Variants in STARD8 observed in about 807,000 individuals in gnomAD.
STARD8 encodes the protein StAR related lipid transfer domain containing 8, also known as stAR-related lipid transfer protein 8.
Under a neutral mutation model 69.4 loss-of-function variants are expected in STARD8, and 25 were observed. That is an observed-to-expected ratio of 0.36 (90% CI 0.26 to 0.50). The LOEUF (loss-of-function observed/expected upper bound fraction) is 0.50, where lower values mean the gene tolerates loss of function less well. Ranked by LOEUF, STARD8 falls within the 20% of genes least tolerant of loss-of-function variation. STARD8 has a pLI of 0.96. For missense variants in STARD8, 921 were observed against 932.5 expected, an observed-to-expected ratio of 0.99 and a Z score of 0.16; for synonymous variants, 389 against 374.6, an observed-to-expected ratio of 1.04 and a Z score of -0.45.
intron 1 of STARD8, among the ~76,000 whole-genome samples, chrX:68,658,825 G>A (rs1193554952): frequency 8.9e-6 from 1 of 112,756 alleles, no homozygotes; most frequent in Non-Finnish European, 1.9e-5. Flanking sequence ...CCCTTGAGCT[G>A]TTGCTGCTGC....
intron 2 of STARD8, among the ~76,000 whole-genome samples, chrX:68,688,297 CAG>C (rs1407603541): frequency 2.7e-5 from 3 of 111,356 alleles, no homozygotes; most frequent in African/African-American, 6.6e-5. Context: ...GGTCAGGAGA[CAG>C]GGGGGTGGTT....
chrX:68,720,147 A>G (rs2080134001), intron 7 of STARD8, 117 bp from the exon 8 acceptor site: 2 of 852,671 alleles, frequency 2.3e-6, no homozygotes, highest in African/African-American at 4.3e-5. Context: ...ATGAGTGTTG[A>G]CTCTGGGGCA....
chrX:68,668,298 T>C (rs1013883033), intron 2 of STARD8, among the ~76,000 whole-genome samples: 1 of 98,194 alleles, frequency 1.0e-5, no homozygotes, highest in African/African-American at 4.2e-5. Context: ...CTTTCTTTCT[T>C]TCTTCTTTTT....
At chrX:68,714,978 A>T (rs1464890674) in intron 3 of STARD8, among the ~76,000 whole-genome samples, 1 of 111,580 alleles carries the variant, frequency 9.0e-6, no homozygotes, top group Non-Finnish European at 1.9e-5. Context: ...TGAGCAGCCC[A>T]GGATTCAAAG....
intron 2 of STARD8, among the ~76,000 whole-genome samples, chrX:68,672,647 A>G (rs764423137): frequency 6.3e-5 from 7 of 110,609 alleles, no homozygotes; most frequent in Non-Finnish European, 1.3e-4. Flanking sequence ...TTCCCTCACC[A>G]CAGCCTGAAA....
chrX:68,685,163 A>G (rs1384113345), intron 2 of STARD8, among the ~76,000 whole-genome samples: 1 of 111,648 alleles, frequency 9.0e-6, no homozygotes, highest in Non-Finnish European at 1.9e-5. Context: ...AGTAGGGGGG[A>G]GGGGCTGTGA....
Position 68,657,172 on chromosome X carries a change from A to C in STARD8, c.46-8327A>C, listed in dbSNP as rs189785863. 4.5e-5 allele frequency among the ~76,000 whole-genome samples: 5 copies of C among 111,792 alleles called. No individual in the cohort carries two copies. In the Admixed American group the frequency reaches 4.7e-4, roughly 11 times the overall value. ...ATAGTAAGCATTGCTCATCTTTATT[A>C]TTTGTACACTGGGGAGAATGATAAC... On this transcript the variant is annotated intron_variant, in intron 1 of 14. Coordinates refer to ENST00000374599, the MANE Select transcript of STARD8 (RefSeq NM_001142503.3).
At chrX:68,687,577 G>A (rs1253437225) in intron 2 of STARD8, among the ~76,000 whole-genome samples, 2 of 111,853 alleles carry the variant, frequency 1.8e-5, no homozygotes, top group Non-Finnish European at 3.8e-5. Context: ...AATTGAACAC[G>A]CTGAAACACA....
intron 2 of STARD8, among the ~76,000 whole-genome samples, chrX:68,711,263 C>CGA (rs1342461488): frequency 4.7e-5 from 5 of 106,884 alleles, no homozygotes; most frequent in Non-Finnish European, 7.7e-5. Flanking sequence ...GAGAAAGAGA[C>CGA]GAGAGAGAGA....
At chrX:68,690,999 C>G (rs191954628) in intron 2 of STARD8, among the ~76,000 whole-genome samples, 34 of 111,672 alleles carry the variant, frequency 3.0e-4, no homozygotes, top group Non-Finnish European at 3.0e-4. Context: ...GTAGCAGAGG[C>G]CATTTGTACC....
intron 2 of STARD8, among the ~76,000 whole-genome samples, chrX:68,676,598 G>C (rs1054136795): frequency 1.8e-5 from 2 of 111,478 alleles, no homozygotes; most frequent in East Asian, 5.6e-4. Flanking sequence ...CTCAAATACT[G>C]TTCCCTCCCA....
intron 2 of STARD8, among the ~76,000 whole-genome samples, chrX:68,677,687 A>G (rs1265319526): frequency 9.0e-6 from 1 of 111,391 alleles, no homozygotes; most frequent in East Asian, 2.8e-4. Context: ...CTCCTCCACC[A>G]AGTGGGCACT....
At chrX:68,648,030 G>A in intron 1 of STARD8, 103 bp downstream of exon 1, 1 of 971,376 alleles carries the variant, frequency 1.0e-6, no homozygotes, top group Non-Finnish European at 1.4e-6. Context: ...ACGGGCTTCT[G>A]AGACTACCTG....
intron 1 of STARD8, among the ~76,000 whole-genome samples, chrX:68,664,189 A>G (rs897331409): frequency 1.8e-5 from 2 of 111,174 alleles, no homozygotes; most frequent in African/African-American, 6.6e-5. Flanking sequence ...AGACCCTTCT[A>G]CCTCTAAGAG....
rs779349904 is a variant in STARD8 at position 68,659,378 on chromosome X, A to G, written c.46-6121A>G. Among the ~76,000 whole-genome samples the G allele has an allele frequency of 2.3e-3, 258 of 111,897 alleles. 2 individuals are homozygous for G. Among genetic ancestry groups the G allele is most frequent in the African/African-American group, 8.3e-3 (254 of 30,787 alleles). On this transcript the variant is annotated intron_variant, in intron 1 of 14. Transcript: ENST00000374599. ...AATTGGGGACATCCTGTGGAAGTGA[A>G]AGGACAGTAGAAAACACAGATGCGA...
At chrX:68,711,117 G>A (rs924221271) in intron 2 of STARD8, among the ~76,000 whole-genome samples, 2 of 111,478 alleles carry the variant, frequency 1.8e-5, no homozygotes, top group African/African-American at 6.6e-5. Context: ...CTGCTAGCAG[G>A]GCTCTGTCAG....
chrX:68,672,314 G>A (rs112134012), intron 2 of STARD8, among the ~76,000 whole-genome samples: 2,609 of 111,772 alleles, frequency 0.023, 85 homozygotes, highest in African/African-American at 0.08. Context: ...ACAGTCCAAT[G>A]TTCTCGTTGC....
intron 1 of STARD8, among the ~76,000 whole-genome samples, chrX:68,661,441 C>G (rs947731377): frequency 2.7e-5 from 3 of 111,981 alleles, no homozygotes; most frequent in African/African-American, 9.8e-5. Context: ...TTTTGCCTGG[C>G]AACTGTATCT....
Position 68,666,855 on chromosome X carries a change from T to C in STARD8, c.79+1323T>C, listed in dbSNP as rs146483318. On this transcript the variant is annotated intron_variant, in intron 2 of 14. Coordinates refer to ENST00000374599, the MANE Select transcript of STARD8 (RefSeq NM_001142503.3). Reference sequence around the variant, plus strand: ...GGGCACAAGGTCTGTGCACTGCCCATACTAGGGGAAGGACACACTTCTCCA... The same window carrying C: ...GGGCACAAGGTCTGTGCACTGCCCACACTAGGGGAAGGACACACTTCTCCA... 4.6e-3 allele frequency among the ~76,000 whole-genome samples: 519 copies of C among 112,083 alleles called. 4 individuals carry two copies. The highest frequency in any genetic ancestry group is 0.016 in the African/African-American group (493 of 30,778).
Sources: gnomAD v4.1 joint callset for allele counts (sites outside exome capture counted in the v4.1 genomes callset) on GRCh38, gnomAD v4.1.1 for gene constraint, MANE v1.5 for transcripts, NCBI Gene and HGNC (gene_info 2026-07-23, HGNC 2026-07-21) for gene names.